Variants in TLK1 observed in about 807,000 individuals in gnomAD.
TLK1 encodes serine/threonine-protein kinase tousled-like 1.
A neutral mutation model predicts 105.3 loss-of-function variants in TLK1; 24 were observed. That is an observed-to-expected ratio of 0.23 (90% CI 0.17 to 0.32). TLK1 has a LOEUF of 0.32. Ranked by LOEUF, TLK1 falls within the 10% of genes least tolerant of loss-of-function variation. The pLI is 1.00. For missense variants in TLK1, 558 were observed against 910.5 expected, an observed-to-expected ratio of 0.61 and a Z score of 4.98; for synonymous variants, 321 against 310.4, an observed-to-expected ratio of 1.03 and a Z score of -0.36.
At chr2:171,167,091 A>T (rs1692622990) in intron 1 of TLK1, among the ~76,000 whole-genome samples, 2 of 152,238 alleles carry the variant, frequency 1.3e-5, no homozygotes, top group African/African-American at 4.8e-5. Flanking sequence ...AAAAGGGCAC[A>T]TGTGATCATG....
intron 1 of TLK1, among the ~76,000 whole-genome samples, chr2:171,202,756 CAAACA>C (rs762851876): frequency 2.0e-5 from 3 of 152,114 alleles, no homozygotes; most frequent in African/African-American, 7.2e-5. Context: ...GACTCCATCT[CAAACA>C]AAACAAAACA....
At chr2:171,202,629 C>T (rs916631377) in intron 1 of TLK1, among the ~76,000 whole-genome samples, 3 of 148,464 alleles carry the variant, frequency 2.0e-5, no homozygotes, top group Admixed American at 6.7e-5. Context: ...TGGTGGTGTG[C>T]GCCGGTAGTC....
At chr2:171,223,798 A>AT (rs1273261078) in intron 1 of TLK1, among the ~76,000 whole-genome samples, 4,641 of 127,198 alleles carry the variant, frequency 0.036, 192 homozygotes, top group African/African-American at 0.11. Context: ...TTTAAAATCA[A>AT]TTTTTTTTTT....
intron 1 of TLK1, among the ~76,000 whole-genome samples, chr2:171,201,657 G>A (rs1023742885): frequency 6.6e-6 from 1 of 152,176 alleles, no homozygotes; most frequent in Admixed American, 6.5e-5. Context: ...GTTCCACCTG[G>A]TTCCCATCTA....
chr2:171,160,208 C>CGGGGGGGGCG lies in TLK1; in HGVS notation c.139+72_139+81dup. On this transcript the variant is annotated intron_variant, in intron 1 of 20. Transcript: ENST00000431350. The surrounding 1 kb of genome is among the most constrained non-coding windows in gnomAD (Gnocchi z 4.4). ...AGGGTCTGGCGGAGAAGCCCCGGGG[C>CGGGGGGGGCG]GGGGGGGGCGGGGGGGGGGCGCGGG... The CGGGGGGGGCG allele has an allele frequency of 8.0e-6, 9 of 1,123,898 alleles. No individual in the cohort carries two copies. The highest frequency in any genetic ancestry group is 6.2e-5 in the African/African-American group (2 of 32,292). 69.6% of individuals were successfully genotyped at this position (1,123,898 alleles called of 1,614,324 possible).
intron 14 of TLK1, among the ~76,000 whole-genome samples, chr2:171,009,291 CTTTTTTTTTTTTTTTT>C (rs71008743): frequency 6.5e-4 from 49 of 74,840 alleles, no homozygotes; most frequent in Non-Finnish European, 4.8e-4. Context: ...ATTTCTTTTC[CTTTTTTTTTTTTTTTT>C]TTTTTTTTTT....
At chr2:171,222,457 A>G (rs1435727087) in intron 1 of TLK1, among the ~76,000 whole-genome samples, 1 of 152,044 alleles carries the variant, frequency 6.6e-6, no homozygotes, top group African/African-American at 2.4e-5. Context: ...CAGCCTGCCC[A>G]GGAGCTAGAA....
At chr2:171,052,182 C>T (rs1687272072) in intron 8 of TLK1, among the ~76,000 whole-genome samples, 2 of 152,078 alleles carry the variant, frequency 1.3e-5, no homozygotes, top group Non-Finnish European at 2.9e-5. Flanking sequence ...ATTGCTTAAA[C>T]CCGGGAGTTT....
intron 8 of TLK1, among the ~76,000 whole-genome samples, chr2:171,052,799 G>T (rs1324604887): frequency 2.0e-5 from 3 of 152,208 alleles, no homozygotes; most frequent in Admixed American, 2.0e-4. Context: ...AGACACACTG[G>T]ATGTTTTAAA....
At chr2:171,016,534 AGTT>A (rs1312887378) in intron 12 of TLK1, among the ~76,000 whole-genome samples, 1 of 152,216 alleles carries the variant, frequency 6.6e-6, no homozygotes, top group Non-Finnish European at 1.5e-5. Context: ...GTGGAACAGA[AGTT>A]TTTTCTGAAT....
intron 1 of TLK1, among the ~76,000 whole-genome samples, chr2:171,204,281 AGT>A (rs763812045): frequency 5.9e-5 from 9 of 152,318 alleles, no homozygotes; most frequent in Non-Finnish European, 7.4e-5. Flanking sequence ...GGCACCTAGC[AGT>A]GCTATCGTCC....
intron 1 of TLK1, among the ~76,000 whole-genome samples, chr2:171,206,494 T>C (rs936466239): frequency 7.9e-5 from 12 of 152,164 alleles, no homozygotes; most frequent in African/African-American, 2.9e-4. Flanking sequence ...CTTGTCTGCA[T>C]GGAGATGAAA....
At chr2:171,047,192 A>G (rs1163073932) in intron 10 of TLK1, among the ~76,000 whole-genome samples, 3 of 152,242 alleles carry the variant, frequency 2.0e-5, no homozygotes, top group Admixed American at 6.5e-5. Context: ...CATGTCTATT[A>G]TTAAAATGTA....
chr2:171,048,197 AC>A (rs1687051537), intron 10 of TLK1, among the ~76,000 whole-genome samples: 1 of 41,480 alleles, frequency 2.4e-5, no homozygotes, highest in Non-Finnish European at 1.1e-4. Context: ...GATCCTCCCA[AC>A]TCGGCCTCCC....
In TLK1 at chr2:171,160,457, C is replaced by T. The variant is rs753828027; in HGVS notation, c.-29G>A. ...GCTACTTTCTGGGAACCCGACTCCC[C>T]CCCTGCGACGGCAGCGGCGGCAACG... On this transcript the variant is annotated 5_prime_UTR_variant, in exon 1 of 21. Transcript: ENST00000431350. The surrounding 1 kb of genome is among the most constrained non-coding windows in gnomAD (Gnocchi z 4.4). The T allele has an allele frequency of 1.9e-6, 3 of 1,583,572 alleles. No homozygotes were observed. Among genetic ancestry groups the T allele is most frequent in the South Asian group, 2.3e-5 (2 of 87,922 alleles).
At chr2:171,088,666 C>A (rs1689087540) in intron 2 of TLK1, among the ~76,000 whole-genome samples, 1 of 152,112 alleles carries the variant, frequency 6.6e-6, no homozygotes, top group African/African-American at 2.4e-5. Context: ...GAGTGTGCAA[C>A]AGTAACACTG....
intron 1 of TLK1, among the ~76,000 whole-genome samples, chr2:171,215,725 T>C (rs1353047504): frequency 6.6e-6 from 1 of 152,228 alleles, no homozygotes; most frequent in Non-Finnish European, 1.5e-5. Context: ...CTTGACTTTA[T>C]AGTCTGTCAG....
At chr2:171,087,624 T>A (rs990119574) in intron 2 of TLK1, among the ~76,000 whole-genome samples, 3 of 152,104 alleles carry the variant, frequency 2.0e-5, no homozygotes, top group Non-Finnish European at 2.9e-5. Context: ...TCACTCAATC[T>A]CCCAAGCAGG....
At chr2:171,046,444 A>T in intron 10 of TLK1, 82 bp from the exon 11 acceptor site, 1 of 1,408,596 alleles carries the variant, frequency 7.1e-7, no homozygotes, top group Non-Finnish European at 9.5e-7. Flanking sequence ...CATAAAAAAC[A>T]TGAAAAACCA....
Sources: gnomAD v4.1 joint callset for allele counts (sites outside exome capture counted in the v4.1 genomes callset) on GRCh38, gnomAD v4.1.1 for gene constraint, Gnocchi (gnomAD v3.1) non-coding constraint, MANE v1.5 for transcripts, NCBI Gene and HGNC (gene_info 2026-07-23, HGNC 2026-07-21) for gene names.